The following PTPRR variants were observed in gnomAD, a reference collection of about 807,000 sequenced individuals.
PTPRR encodes the protein receptor-type tyrosine-protein phosphatase R.
Under a neutral mutation model 77.2 loss-of-function variants are expected in PTPRR, and 38 were observed. That is an observed-to-expected ratio of 0.49 (90% CI 0.38 to 0.65). The LOEUF (loss-of-function observed/expected upper bound fraction) is 0.65, where lower values mean the gene tolerates loss of function less well. Ranked by LOEUF, PTPRR falls within the 30% of genes least tolerant of loss-of-function variation. PTPRR has a pLI of 0.00. For synonymous variants in PTPRR, 299 were observed against 283.1 expected (o/e 1.06, Z -0.57); for missense variants, 744 against 799.2 (o/e 0.93, Z 0.83).
chr12:70,802,867 A>C (rs1891641290), intron 2 of PTPRR, among the ~76,000 whole-genome samples: 1 of 152,174 alleles, frequency 6.6e-6, no homozygotes, highest in Non-Finnish European at 1.5e-5. Flanking sequence ...GTGCTTTGGA[A>C]ATTGCTGATT....
intron 2 of PTPRR, among the ~76,000 whole-genome samples, chr12:70,800,012 T>C (rs1407584681): frequency 6.6e-6 from 1 of 152,182 alleles, no homozygotes; most frequent in African/African-American, 2.4e-5. Context: ...CTCTTTGATG[T>C]TCAGTCTACC....
At chr12:70,897,816 T>C (rs1292843123) in intron 1 of PTPRR, among the ~76,000 whole-genome samples, 1 of 152,000 alleles carries the variant, frequency 6.6e-6, no homozygotes, top group Non-Finnish European at 1.5e-5. Flanking sequence ...CATGGAATAC[T>C]ATGCAGCCAT....
chr12:70,775,486 A>T (rs1053888148), intron 2 of PTPRR, among the ~76,000 whole-genome samples: 2 of 152,182 alleles, frequency 1.3e-5, no homozygotes, highest in Non-Finnish European at 2.9e-5. Flanking sequence ...TTAGCTATTT[A>T]TTTTGTAAAG....
intron 2 of PTPRR, among the ~76,000 whole-genome samples, chr12:70,884,269 G>A (rs911926589): frequency 2.6e-5 from 4 of 152,136 alleles, no homozygotes; most frequent in Non-Finnish European, 5.9e-5. Flanking sequence ...CAAATGCCCC[G>A]AAAGCCCAGT....
At chr12:70,790,207 G>C (rs1453152418) in intron 2 of PTPRR, among the ~76,000 whole-genome samples, 1 of 151,884 alleles carries the variant, frequency 6.6e-6, no homozygotes, top group African/African-American at 2.4e-5. Flanking sequence ...TATAAACAAA[G>C]GTCTCAAAAG....
intron 2 of PTPRR, among the ~76,000 whole-genome samples, chr12:70,892,273 C>A (rs554851857): frequency 1.3e-5 from 2 of 151,976 alleles, no homozygotes; most frequent in African/African-American, 2.4e-5. Context: ...AGTCAAGTGA[C>A]CAGAGGATCT....
intron 12 of PTPRR, among the ~76,000 whole-genome samples, chr12:70,660,227 A>G (rs907713875): frequency 4.2e-4 from 61 of 145,006 alleles, no homozygotes; most frequent in African/African-American, 1.5e-3. Flanking sequence ...TGTTCATATA[A>G]ATTACTTTAA....
intron 2 of PTPRR, among the ~76,000 whole-genome samples, chr12:70,780,481 G>A (rs114602238): frequency 0.011 from 1,611 of 152,130 alleles, 27 homozygotes; most frequent in African/African-American, 0.036. Flanking sequence ...AAAGAAATAA[G>A]GATTATTTAT....
At chr12:70,718,305 G>A (rs1236447736) in intron 6 of PTPRR, among the ~76,000 whole-genome samples, 1 of 151,172 alleles carries the variant, frequency 6.6e-6, no homozygotes, top group Non-Finnish European at 1.5e-5. Context: ...TTGCTCTGCT[G>A]CTGAGGTTGG....
At chr12:70,719,889 A>G (rs1216929827) in intron 6 of PTPRR, among the ~76,000 whole-genome samples, 1 of 152,212 alleles carries the variant, frequency 6.6e-6, no homozygotes, top group East Asian at 1.9e-4. Context: ...AAGTGTCTCA[A>G]GTAGGATTGT....
chr12:70,872,901 C>T (rs1485753772), intron 2 of PTPRR, among the ~76,000 whole-genome samples: 1 of 151,948 alleles, frequency 6.6e-6, no homozygotes, highest in African/African-American at 2.4e-5. Flanking sequence ...TAACAATGAA[C>T]TTTAAAACAA....
At chr12:70,682,061 T>TTC (rs1491177176) in intron 10 of PTPRR, among the ~76,000 whole-genome samples, 2 of 90,918 alleles carry the variant, frequency 2.2e-5, no homozygotes, top group African/African-American at 6.6e-5. Context: ...TTTTTTTTTT[T>TTC]GAGACGGAGT....
intron 2 of PTPRR, among the ~76,000 whole-genome samples, chr12:70,780,141 G>A (rs958201690): frequency 4.7e-4 from 72 of 152,002 alleles, no homozygotes; most frequent in African/African-American, 1.6e-3. Context: ...GCAGGTGCCC[G>A]CCACCATGCC....
intron 13 of PTPRR, among the ~76,000 whole-genome samples, chr12:70,649,453 A>G (rs187759191): frequency 3.0e-4 from 45 of 152,320 alleles, no homozygotes; most frequent in African/African-American, 9.9e-4. Flanking sequence ...AGAAAAGGAT[A>G]GAGGAAGGCC....
intron 2 of PTPRR, among the ~76,000 whole-genome samples, chr12:70,820,561 C>T (rs1891989173): frequency 6.6e-6 from 1 of 152,222 alleles, no homozygotes; most frequent in Admixed American, 6.5e-5. Context: ...TCTCGATCTC[C>T]TGAGCTCGTG....
At chr12:70,730,450 G>A (rs1167319914) in intron 6 of PTPRR, among the ~76,000 whole-genome samples, 3 of 152,106 alleles carry the variant, frequency 2.0e-5, no homozygotes, top group Non-Finnish European at 4.4e-5. Context: ...GGAGGAGGTT[G>A]CAGTGAGCTG....
chr12:70,828,458 GA>G (rs140198093), intron 2 of PTPRR, among the ~76,000 whole-genome samples: 5,929 of 152,246 alleles, frequency 0.039, 375 homozygotes, highest in African/African-American at 0.13. Flanking sequence ...AGTGGGAGAA[GA>G]AAATATCTTT....
intron 2 of PTPRR, among the ~76,000 whole-genome samples, chr12:70,782,373 T>C (rs141580403): frequency 0.04 from 6,134 of 152,210 alleles, 401 homozygotes; most frequent in African/African-American, 0.14. Flanking sequence ...CATGCTGCTA[T>C]AAAGACACAT....
At chr12:70,861,619 G>A (rs572240248) in intron 2 of PTPRR, among the ~76,000 whole-genome samples, 6 of 152,184 alleles carry the variant, frequency 3.9e-5, no homozygotes, top group South Asian at 2.1e-4. Context: ...GGGATTGATC[G>A]CAGTTGGGGC....
Sources: allele counts gnomAD v4.1 joint callset (sites outside exome capture counted in the v4.1 genomes callset), GRCh38; gene constraint gnomAD v4.1.1; transcripts MANE v1.5; gene names NCBI Gene and HGNC (gene_info 2026-07-23, HGNC 2026-07-21).